Variants in CCND3 observed in about 807,000 individuals in gnomAD.
CCND3 encodes cyclin D3.
In CCND3, 9 loss-of-function variants were observed where a neutral mutation model predicts 28.7. The observed-to-expected ratio is 0.31, with a 90% CI of 0.19 to 0.55. CCND3 has a LOEUF of 0.55. Among genes scored for constraint, CCND3 ranks in the 20% least tolerant of loss-of-function variants. The pLI, the probability that CCND3 is intolerant of heterozygous loss-of-function variation, is 0.93. For missense variants in CCND3, 315 were observed against 385.8 expected (o/e 0.82, Z 1.54); for synonymous variants, 164 against 163.9 (o/e 1.00, Z 0.00).
rs559895686 is a variant in CCND3 at position 41,936,803 on chromosome 6, G to T, written c.575-108C>A. Reference sequence around the variant, plus strand: ...GCCAGGCAGCATGAGTAGAGCAGAGGACATGCTGGAAAACTCCAGCAGTGG... The same window carrying T: ...GCCAGGCAGCATGAGTAGAGCAGAGTACATGCTGGAAAACTCCAGCAGTGG... On this transcript the variant is annotated intron_variant, in intron 3 of 4. Transcript: ENST00000372991. This position sits in a 1 kb window ranked among gnomAD's most constrained non-coding sequence, Gnocchi z 4.4. The T allele has an allele frequency of 3.6e-4, 424 of 1,186,908 alleles. 2 individuals carry two copies. In the South Asian group the frequency reaches 6.0e-3, roughly 17 times the overall value. 73.5% of individuals were successfully genotyped at this position (1,186,908 alleles called of 1,614,324 possible). A position where few individuals can be genotyped will look rare whatever the true frequency, so the allele number is the denominator to read the frequency against.
At chr6:41,993,939 A>G (rs78518400) in intron 1 of CCND3, among the ~76,000 whole-genome samples, 5 of 206 alleles carry the variant, frequency 0.024, no homozygotes, top group Admixed American at 0.12. Flanking sequence ...AAAAAAAAAA[A>G]AAAAAAAAAA....
chr6:42,017,044 G>A (rs1763540936), intron 1 of CCND3, among the ~76,000 whole-genome samples: 1 of 152,242 alleles, frequency 6.6e-6, no homozygotes, highest in African/African-American at 2.4e-5. Context: ...CCTTGATACA[G>A]CAGCATCTCA....
chr6:42,047,145 C>T (rs1252503027), intron 1 of CCND3, among the ~76,000 whole-genome samples: 1 of 152,022 alleles, frequency 6.6e-6, no homozygotes, highest in African/African-American at 2.4e-5. Context: ...AAGGGGAAGC[C>T]GGAAGGAGAA....
chr6:41,991,061 CTTT>C (rs574845287), intron 1 of CCND3, among the ~76,000 whole-genome samples: 1 of 142,400 alleles, frequency 7.0e-6, no homozygotes, highest in Non-Finnish European at 1.5e-5. Flanking sequence ...GCTGGGAAAA[CTTT>C]TTTTTTTTTT....
At position 41,935,553 on chromosome 6, in the gene CCND3, G is replaced by C; in HGVS notation, c.*387C>G. On this transcript the variant is annotated 3_prime_UTR_variant, in exon 5 of 5. Transcript: ENST00000372991. ...CAATCCAAATGCAATAACCCTAGAAGGGACAACACCTTTAGAAGGCACTAG... is the reference window on the plus strand; with the variant it reads ...CAATCCAAATGCAATAACCCTAGAACGGACAACACCTTTAGAAGGCACTAG... The C allele has an allele frequency of 2.4e-6, 1 of 412,982 alleles. No individual in the cohort carries two copies. The highest frequency in any genetic ancestry group is 4.4e-6 in the Non-Finnish European group (1 of 229,080). 25.6% of individuals were successfully genotyped at this position (412,982 alleles called of 1,614,324 possible).
chr6:41,987,513 CTCTCTGTGTG>C lies in CCND3; in HGVS notation c.-45-46938_-45-46929del, dbSNP rs1196740578. ...TCTCTCTCTCTCTCTCTCTCTCTCT[CTCTCTGTGTG>C]TGTGTGTGTGTGTGTGTGTGTGTGT... On this transcript the variant is annotated intron_variant, in intron 1 of 4. Transcript: ENST00000372988. Among the ~76,000 whole-genome samples the C allele has an allele frequency of 9.3e-4, 39 of 41,904 alleles. No homozygotes were observed. In the East Asian group the frequency reaches 0.018, roughly 20 times the overall value. 27.5% of individuals were successfully genotyped at this position (41,904 alleles called of 152,430 possible).
chr6:41,950,828 C>G (rs1464821248), intron 1 of CCND3, among the ~76,000 whole-genome samples: 1 of 151,820 alleles, frequency 6.6e-6, no homozygotes, highest in African/African-American at 2.4e-5. Flanking sequence ...CCTGCCACAG[C>G]CTCCCGAGTA....
At position 41,940,549 on chromosome 6, in the gene CCND3, G is replaced by T. The variant is rs1394037912; in HGVS notation, c.235C>A (p.Pro79Thr). Reference protein sequence around the residue: ...EEQRCEEEVFPLAMNYLDRYL... With the variant: ...EEQRCEEEVFTLAMNYLDRYL... ...CGATCCAGGTAGTTCATGGCCAGGG[G>T]GAAGACTTCCTCCTCACAGCGCTGC... is the stretch of plus-strand genomic sequence containing the variant. Residue 79 changes from proline to threonine, a missense_variant, in exon 2 of 5, where the codon CCC becomes ACC. By Grantham distance (38) the Pro-to-Thr change is conservative (BLOSUM62 -1). Transcript: ENST00000372991. The T allele has an allele frequency of 1.9e-6, 3 of 1,613,922 alleles. No individual in the cohort carries two copies. The highest frequency in any genetic ancestry group is 1.1e-5 in the South Asian group (1 of 91,066).
At chr6:41,975,552 G>C (rs9394842) in intron 1 of CCND3, among the ~76,000 whole-genome samples, 25,153 of 152,076 alleles carry the variant, frequency 0.17, 2,524 homozygotes, top group Non-Finnish European at 0.22. Flanking sequence ...GCCTCGGCTG[G>C]CACATTATCT....
At chr6:41,981,134 T>C (rs1762334117) in intron 1 of CCND3, among the ~76,000 whole-genome samples, 1 of 3,386 alleles carries the variant, frequency 3.0e-4, no homozygotes, top group Admixed American at 6.5e-3. Flanking sequence ...CCAAAAGAAT[T>C]GACAAAAAAA....
At chr6:42,034,418 G>T (rs1764137232) in intron 1 of CCND3, among the ~76,000 whole-genome samples, 1 of 143,426 alleles carries the variant, frequency 7.0e-6, no homozygotes, top group Non-Finnish European at 1.5e-5. Context: ...AAAGTGCTGG[G>T]ATTATGGGAT....
At chr6:41,985,022 C>T (rs948817432) in intron 1 of CCND3, among the ~76,000 whole-genome samples, 4 of 152,118 alleles carry the variant, frequency 2.6e-5, no homozygotes, top group Admixed American at 2.0e-4. Flanking sequence ...TATTGAGTTA[C>T]ATAAGTTCCT....
At chr6:42,002,708 G>T (rs1442276349) in intron 1 of CCND3, among the ~76,000 whole-genome samples, 4 of 151,906 alleles carry the variant, frequency 2.6e-5, no homozygotes, top group Non-Finnish European at 5.9e-5. Flanking sequence ...CAAAAAATTA[G>T]CCTGGTGTGG....
At chr6:42,022,023 C>G (rs1763725701) in intron 1 of CCND3, among the ~76,000 whole-genome samples, 1 of 152,210 alleles carries the variant, frequency 6.6e-6, no homozygotes, top group African/African-American at 2.4e-5. Context: ...TTAAAGGAAG[C>G]AAGCATCACA....
Position 42,013,710 on chromosome 6 carries a change from T to C in CCND3, c.-46+34791A>G, listed in dbSNP as rs560545979. Among the ~76,000 whole-genome samples the C allele has an allele frequency of 1.4e-3, 207 of 152,342 alleles. 2 individuals carry two copies. The highest frequency in any genetic ancestry group is 4.9e-3 in the African/African-American group (204 of 41,588). On this transcript the variant is annotated intron_variant, in intron 1 of 4. Coordinates refer to the CCND3 transcript ENST00000372988. The stretch of plus-strand genomic sequence containing the variant: ...AAATTTTCATCATTAGTTCAGCCTA[T>C]TGAGATCTAATTTCTGGCTCTCTCA...
At chr6:42,018,502 C>G (rs1294954653) in intron 1 of CCND3, 1 of 152,068 alleles carries the variant, frequency 6.6e-6, no homozygotes, top group Admixed American at 6.6e-5. Flanking sequence ...ATATGTGCTG[C>G]GAAAGTGAGC....
chr6:41,935,154 C>T lies in CCND3; in HGVS notation c.*786G>A, dbSNP rs1775727838. ...ACAATGGGAGAGGAGGGCATGACCC[C>T]ACCCCAGGCTATAGCAGCTCCTTGG... On this transcript the variant is annotated 3_prime_UTR_variant, in exon 5 of 5. Coordinates refer to ENST00000372991, the MANE Select transcript of CCND3 (RefSeq NM_001760.5). 4.3e-6 allele frequency: 1 copy of T among 233,374 alleles called. No individual in the cohort carries two copies. Among genetic ancestry groups the T allele is most frequent in the Non-Finnish European group, 8.5e-6 (1 of 118,102 alleles). 14.5% of individuals were successfully genotyped at this position (233,374 alleles called of 1,614,324 possible).
intron 1 of CCND3, among the ~76,000 whole-genome samples, chr6:41,978,997 C>A (rs1005943378): frequency 2.0e-5 from 3 of 151,274 alleles, no homozygotes; most frequent in East Asian, 3.9e-4. Context: ...CATGGAGAAA[C>A]CCTGTCTCTA....
chr6:42,038,745 C>T (rs1250173879), intron 1 of CCND3, among the ~76,000 whole-genome samples: 1 of 152,058 alleles, frequency 6.6e-6, no homozygotes, highest in East Asian at 1.9e-4. Context: ...CAGTAAAAAA[C>T]TCAGAACATT....
Sources: allele counts gnomAD v4.1 joint callset (sites outside exome capture counted in the v4.1 genomes callset), GRCh38; gene constraint gnomAD v4.1.1; non-coding constraint Gnocchi (gnomAD v3.1); transcripts MANE v1.5; gene names NCBI Gene and HGNC (gene_info 2026-07-23, HGNC 2026-07-21).